PPFIBP2: variants seen among roughly 807,000 people sequenced by gnomAD.
PPFIBP2 encodes the protein PPFIB scaffold protein 2.
Under a neutral mutation model 118.3 loss-of-function variants are expected in PPFIBP2, and 118 were observed. The ratio of observed to expected loss-of-function variants is 1.00; its 90% CI spans 0.86 to 1.16. The LOEUF (loss-of-function observed/expected upper bound fraction) is 1.16, where lower values mean the gene tolerates loss of function less well. PPFIBP2 is among the 50% of genes most tolerant of loss of function. The pLI is 0.00. For missense variants in PPFIBP2, 1,195 were observed against 1,073.1 expected (o/e 1.11, Z -1.59); for synonymous variants, 414 against 397.4 (o/e 1.04, Z -0.50).
intron 1 of PPFIBP2, among the ~76,000 whole-genome samples, chr11:7,536,561 G>T (rs1015356564): frequency 6.6e-6 from 1 of 152,046 alleles, no homozygotes; most frequent in East Asian, 1.9e-4. Context: ...GTGAAGAGAG[G>T]GTAAGAGATG....
chr11:7,564,034 C>T (rs1027464732), intron 2 of PPFIBP2, among the ~76,000 whole-genome samples: 3 of 152,104 alleles, frequency 2.0e-5, no homozygotes, highest in South Asian at 2.1e-4. Flanking sequence ...GGCGTGGTGG[C>T]GGGCACCTGC....
At chr11:7,638,948 G>T (rs1398610525) in intron 14 of PPFIBP2, among the ~76,000 whole-genome samples, 3 of 152,208 alleles carry the variant, frequency 2.0e-5, no homozygotes, top group Non-Finnish European at 4.4e-5. Context: ...AGCTTTGTTG[G>T]CATGTAGTCC....
intron 1 of PPFIBP2, 53 bp from the exon 2 acceptor site, chr11:7,549,387 C>G (rs551860706): frequency 8.1e-6 from 12 of 1,477,592 alleles, no homozygotes; most frequent in Non-Finnish European, 1.1e-5. Context: ...ATCTTGTGTG[C>G]GTAACATGGA....
chr11:7,651,723 TC>T lies in PPFIBP2; in HGVS notation c.2317del (p.Leu773SerfsTer5), dbSNP rs757293506. On this transcript the variant is annotated frameshift_variant, in exon 23 of 24. Transcript: ENST00000299492. LOFTEE classifies it high-confidence loss of function. ...MLLNIPPQKTLLRRHLTTKFN... is the reference protein window; with the variant it reads ...MLLNIPPQKTXLRRHLTTKFN... Reference sequence around the variant, plus strand: ...CTCAACATCCCCCCACAAAAGACGCTCCTCAGGCGCCACCTGACCACCAAGT... The same window carrying T: ...CTCAACATCCCCCCACAAAAGACGCTCTCAGGCGCCACCTGACCACCAAGT... 6.2e-7 allele frequency: 1 copy of T among 1,613,800 alleles called. No individual in the cohort carries two copies. Among genetic ancestry groups the T allele is most frequent in the South Asian group, 1.1e-5 (1 of 91,056 alleles).
At chr11:7,627,597 A>G (rs1850196881) in intron 8 of PPFIBP2, among the ~76,000 whole-genome samples, 1 of 152,196 alleles carries the variant, frequency 6.6e-6, no homozygotes, top group Non-Finnish European at 1.5e-5. Context: ...CAGTTAAGGA[A>G]TCAACAGAGT....
chr11:7,517,865 T>C (rs1849369964), intron 1 of PPFIBP2, among the ~76,000 whole-genome samples: 1 of 152,210 alleles, frequency 6.6e-6, no homozygotes, highest in South Asian at 2.1e-4. Context: ...GGTTTTGGCC[T>C]GCTCAGGAAG....
At chr11:7,659,464 G>T (rs578257891), downstream of PPFIBP2, among the ~76,000 whole-genome samples, 911 of 149,254 alleles carry the variant, frequency 6.1e-3, 6 homozygotes, top group African/African-American at 0.018. Context: ...TAGATATGTG[G>T]CGTTATTTCT....
intron 11 of PPFIBP2, 53 bp from the exon 12 acceptor site, chr11:7,632,814 G>A (rs1008771689): frequency 3.5e-6 from 5 of 1,409,712 alleles, no homozygotes; most frequent in Non-Finnish European, 5.0e-6. Flanking sequence ...AAAGATGGTG[G>A]GTGGTCCCCA....
intron 13 of PPFIBP2, among the ~76,000 whole-genome samples, chr11:7,634,921 G>A (rs1851248954): frequency 6.6e-6 from 1 of 152,060 alleles, no homozygotes; most frequent in African/African-American, 2.4e-5. Flanking sequence ...TATATCCCTG[G>A]GGCACTTGGG....
chr11:7,597,631 A>G lies in PPFIBP2; in HGVS notation c.444A>G (p.Gly148=), dbSNP rs1860595976. 1 of 1,613,950 alleles carries G rather than the reference A, an allele frequency of 6.2e-7. No homozygotes were observed. The highest frequency in any genetic ancestry group is 1.3e-5 in the African/African-American group (1 of 74,910). ...KIRDLEVCLE[G]HQVKLNAAEE... The stretch of plus-strand genomic sequence containing the variant: ...GAGACCTGGAAGTGTGTCTGGAAGG[A>G]CACCAGGTGAAACTCAATGCTGCTG... Residue 148 remains glycine (G), a synonymous_variant, in exon 5 of 24, where the codon GGA becomes GGG. Transcript: ENST00000299492.
intron 2 of PPFIBP2, among the ~76,000 whole-genome samples, chr11:7,558,991 T>C (rs757299050): frequency 6.6e-6 from 1 of 152,162 alleles, no homozygotes; most frequent in Non-Finnish European, 1.5e-5. Context: ...AAACTTTTTA[T>C]TACCCCAGGT....
intron 1 of PPFIBP2, among the ~76,000 whole-genome samples, chr11:7,537,751 A>T (rs777668606): frequency 2.0e-5 from 3 of 152,086 alleles, no homozygotes; most frequent in African/African-American, 4.8e-5. Flanking sequence ...TGCTCCCTGG[A>T]TGCTGTCTGG....
At chr11:7,642,889 C>T (rs184226561) in intron 17 of PPFIBP2, among the ~76,000 whole-genome samples, 1 of 152,180 alleles carries the variant, frequency 6.6e-6, no homozygotes. Context: ...GGAAGGGAGT[C>T]TTAGCTTATT....
chr11:7,564,701 A>G (rs867522507), intron 2 of PPFIBP2, among the ~76,000 whole-genome samples: 10 of 152,186 alleles, frequency 6.6e-5, no homozygotes, highest in Admixed American at 4.6e-4. Flanking sequence ...GGCTTGGAAG[A>G]TCCCAGATGG....
At chr11:7,534,696 C>T (rs1851048272) in intron 1 of PPFIBP2, among the ~76,000 whole-genome samples, 1 of 152,050 alleles carries the variant, frequency 6.6e-6, no homozygotes, top group Non-Finnish European at 1.5e-5. Context: ...ACAGGTCAGA[C>T]ACCCTTATCC....
At chr11:7,656,946 G>A, downstream of PPFIBP2, 1 of 507,580 alleles carries the variant, frequency 2.0e-6, no homozygotes, top group South Asian at 1.7e-5. Flanking sequence ...ATGAAGCAGA[G>A]CTGTGGGACA....
intron 3 of PPFIBP2, 29 bp from the exon 4 acceptor site, chr11:7,593,103 G>A: frequency 3.1e-6 from 5 of 1,605,502 alleles, no homozygotes; most frequent in Non-Finnish European, 4.2e-6. Context: ...AACCTTTTAA[G>A]TGTATTCTTT....
intron 2 of PPFIBP2, among the ~76,000 whole-genome samples, chr11:7,563,431 C>A (rs999854609): frequency 6.6e-6 from 1 of 152,200 alleles, no homozygotes; most frequent in Non-Finnish European, 1.5e-5. Flanking sequence ...CCTGGCTCCC[C>A]AGAGCCTCTG....
At chr11:7,655,668 G>A, downstream of PPFIBP2, among the ~76,000 whole-genome samples, 1 of 152,072 alleles carries the variant, frequency 6.6e-6, no homozygotes. Context: ...GCAGCCCAGG[G>A]GCCTTCTCTG....
Sources: gnomAD v4.1 joint callset for allele counts (sites outside exome capture counted in the v4.1 genomes callset) on GRCh38, gnomAD v4.1.1 for gene constraint, MANE v1.5 for transcripts, NCBI Gene and HGNC (gene_info 2026-07-23, HGNC 2026-07-21) for gene names.